The following PCDH11Y variants were observed in gnomAD, a reference collection of about 807,000 sequenced individuals.
The protein encoded by PCDH11Y is protocadherin-11 Y-linked.
For missense variants in PCDH11Y, 12 were observed against 224.8 expected, an observed-to-expected ratio of 0.05 and a Z score of 6.05; for synonymous variants, 9 against 83.6, an observed-to-expected ratio of 0.11 and a Z score of 4.87.
intron 2 of PCDH11Y, among the ~76,000 whole-genome samples, chrY:5,159,535 C>T: frequency 3.9e-5 from 1 of 25,507 alleles, no homozygotes; most frequent in Non-Finnish European, 9.1e-5. Context: ...GCATGCCCAA[C>T]ACCCACTTGC....
chrY:5,223,536 G>A, intron 2 of PCDH11Y, among the ~76,000 whole-genome samples: 1 of 32,388 alleles, frequency 3.1e-5, no homozygotes, highest in Non-Finnish European at 7.5e-5. Flanking sequence ...GCTCACTGCT[G>A]CCTCAACCTC....
chrY:5,309,549 T>C, intron 2 of PCDH11Y, among the ~76,000 whole-genome samples: 2 of 33,408 alleles, frequency 6.0e-5, no homozygotes, highest in Non-Finnish European at 1.5e-4. Flanking sequence ...TTAAATTTAG[T>C]AGTTCATTTC....
chrY:5,148,517 T>G (rs2124643255), intron 2 of PCDH11Y, among the ~76,000 whole-genome samples: 1 of 32,697 alleles, frequency 3.1e-5, no homozygotes, highest in South Asian at 6.7e-4. Flanking sequence ...GTTAAAAAAT[T>G]TTTGAAAAGA....
At chrY:5,511,607 A>G in intron 3 of PCDH11Y, among the ~76,000 whole-genome samples, 6 of 32,399 alleles carry the variant, frequency 1.9e-4, no homozygotes, top group Admixed American at 8.5e-4. Flanking sequence ...GAATCTGTCT[A>G]TGTGTTAGTA....
intron 3 of PCDH11Y, among the ~76,000 whole-genome samples, chrY:5,538,301 A>G (rs2124692490): frequency 3.0e-5 from 1 of 33,831 alleles, no homozygotes; most frequent in African/African-American, 1.1e-4. Flanking sequence ...AAAACAATAA[A>G]TGGGACTGGA....
intron 2 of PCDH11Y, among the ~76,000 whole-genome samples, chrY:5,144,451 C>T: frequency 3.1e-5 from 1 of 32,432 alleles, no homozygotes; most frequent in East Asian, 8.2e-4. Context: ...TGAGTACTTA[C>T]AGAAAGCACA....
intron 3 of PCDH11Y, among the ~76,000 whole-genome samples, chrY:5,039,257 T>C (rs2052603500): frequency 3.0e-5 from 1 of 33,345 alleles, no homozygotes; most frequent in Non-Finnish European, 7.4e-5. Flanking sequence ...ATTTTGTTCT[T>C]GTGCTATCTA....
At chrY:5,071,685 CAG>C in intron 1 of PCDH11Y, among the ~76,000 whole-genome samples, 1 of 31,951 alleles carries the variant, frequency 3.1e-5, no homozygotes. Flanking sequence ...TCACAAACCT[CAG>C]TGTAATAGGC....
chrY:5,414,827 G>A (rs2053251585), intron 2 of PCDH11Y, among the ~76,000 whole-genome samples: 1 of 32,634 alleles, frequency 3.1e-5, no homozygotes, highest in Non-Finnish European at 7.5e-5. Context: ...GCAATGACAC[G>A]ATCTCGGCTC....
chrY:5,029,395 T>C, intron 1 of PCDH11Y, among the ~76,000 whole-genome samples: 1 of 28,531 alleles, frequency 3.5e-5, no homozygotes, highest in Non-Finnish European at 8.3e-5. Context: ...GATATAACCC[T>C]AACTATCTCC....
chrY:5,386,260 G>A (rs2053215506), intron 2 of PCDH11Y, among the ~76,000 whole-genome samples: 1 of 32,961 alleles, frequency 3.0e-5, no homozygotes, highest in African/African-American at 1.2e-4. Flanking sequence ...TAGGTTACCT[G>A]GTGTTTTTTC....
chrY:5,284,216 G>A (rs35862352), intron 2 of PCDH11Y, among the ~76,000 whole-genome samples: 4 of 32,536 alleles, frequency 1.2e-4, no homozygotes, highest in Non-Finnish European at 3.0e-4. Context: ...TATTTTTAAC[G>A]TGTAAAAATT....
chrY:5,553,121 G>C (rs2053420215), intron 3 of PCDH11Y, among the ~76,000 whole-genome samples: 1 of 34,111 alleles, frequency 2.9e-5, no homozygotes, highest in African/African-American at 1.2e-4. Context: ...TGTTTTGATA[G>C]CTAGTTTTTT....
At chrY:5,561,010 G>A in intron 3 of PCDH11Y, among the ~76,000 whole-genome samples, 1 of 33,540 alleles carries the variant, frequency 3.0e-5, no homozygotes, top group Non-Finnish European at 7.4e-5. Flanking sequence ...CCAAGCCACA[G>A]AGGCGGAGCT....
At chrY:5,718,385 G>T in intron 4 of PCDH11Y, among the ~76,000 whole-genome samples, 2 of 32,888 alleles carry the variant, frequency 6.1e-5, no homozygotes, top group Non-Finnish European at 1.5e-4. Context: ...CCACACCCAA[G>T]TCTCACCTTG....
intron 4 of PCDH11Y, among the ~76,000 whole-genome samples, chrY:5,698,618 A>G (rs2124711563): frequency 9.0e-5 from 3 of 33,226 alleles, no homozygotes; most frequent in South Asian, 1.3e-3. Flanking sequence ...AGCTATTGCT[A>G]CTTGTGGTTG....
At chrY:5,136,084 C>T in intron 2 of PCDH11Y, among the ~76,000 whole-genome samples, 1 of 33,398 alleles carries the variant, frequency 3.0e-5, no homozygotes, top group South Asian at 6.8e-4. Flanking sequence ...CTTTGCTTCT[C>T]TGCCACCTCT....
chrY:5,143,497 G>T, intron 2 of PCDH11Y, among the ~76,000 whole-genome samples: 1 of 33,168 alleles, frequency 3.0e-5, no homozygotes, highest in Non-Finnish European at 7.5e-5. Context: ...GGACAGTTTT[G>T]ATTATTTTTG....
intron 2 of PCDH11Y, among the ~76,000 whole-genome samples, chrY:5,220,710 CTTTTTTT>C (rs2052953263): frequency 9.0e-5 from 1 of 11,129 alleles, no homozygotes; most frequent in African/African-American, 3.7e-4. Flanking sequence ...AACACCTGGC[CTTTTTTT>C]TTTTTTTTTT....
Sources: gnomAD v4.1 joint callset for allele counts (sites outside exome capture counted in the v4.1 genomes callset) on GRCh38, gnomAD v4.1.1 for gene constraint, MANE v1.5 for transcripts, NCBI Gene and HGNC (gene_info 2026-07-23, HGNC 2026-07-21) for gene names.